The following PDE4D variants were observed in gnomAD, a reference collection of about 807,000 sequenced individuals.
PDE4D encodes phosphodiesterase 4D.
PDE4D carries 24 observed loss-of-function variants against 87.4 expected under a neutral mutation model. The observed-to-expected ratio is 0.27, with a 90% confidence interval of 0.20 to 0.39. The LOEUF is 0.39. Among genes scored for constraint, PDE4D ranks in the 10% least tolerant of loss-of-function variants. PDE4D has a pLI of 1.00. For missense variants in PDE4D, 714 were observed against 1,041.0 expected, an observed-to-expected ratio of 0.69 and a Z score of 4.32; for synonymous variants, 384 against 383.2, an observed-to-expected ratio of 1.00 and a Z score of -0.02.
intron 1 of PDE4D, among the ~76,000 whole-genome samples, chr5:60,374,362 G>A (rs1389241029): frequency 6.6e-6 from 1 of 152,134 alleles, no homozygotes; most frequent in Non-Finnish European, 1.5e-5. Context: ...AAAAAGAATG[G>A]CACTAGCTAC....
chr5:59,307,388 C>T (rs2153563707), intron 1 of PDE4D, among the ~76,000 whole-genome samples: 1 of 151,012 alleles, frequency 6.6e-6, no homozygotes, highest in East Asian at 2.0e-4. Context: ...AGAGCTTCTG[C>T]ACAGCAAAAG....
chr5:60,274,652 TG>T (rs1171095265), intron 1 of PDE4D, among the ~76,000 whole-genome samples: 1 of 152,282 alleles, frequency 6.6e-6, no homozygotes, highest in African/African-American at 2.4e-5. Context: ...TGAGCCACCA[TG>T]TCCAGCCGGA....
intron 3 of PDE4D, among the ~76,000 whole-genome samples, chr5:59,190,105 A>G (rs1439983191): frequency 1.3e-5 from 2 of 152,196 alleles, no homozygotes; most frequent in Non-Finnish European, 1.5e-5. Context: ...GGAAACCATG[A>G]TTCGTGTTTT....
intron 5 of PDE4D, among the ~76,000 whole-genome samples, chr5:59,152,700 C>A (rs1046926127): frequency 6.6e-6 from 1 of 151,608 alleles, no homozygotes; most frequent in East Asian, 1.9e-4. Context: ...TGTGTTAACC[C>A]AACTGTAGGC....
chr5:60,256,400 T>C (rs1184954147), intron 1 of PDE4D, among the ~76,000 whole-genome samples: 2 of 151,960 alleles, frequency 1.3e-5, no homozygotes, highest in Non-Finnish European at 2.9e-5. Context: ...AAACAAAAAA[T>C]ATAATCACAA....
At chr5:59,157,613 A>G (rs958518209) in intron 5 of PDE4D, among the ~76,000 whole-genome samples, 1 of 152,230 alleles carries the variant, frequency 6.6e-6, no homozygotes, top group African/African-American at 2.4e-5. Context: ...GACATTGTTC[A>G]TGTACAAATG....
chr5:59,996,601 CT>C (rs1454944498), intron 2 of PDE4D, among the ~76,000 whole-genome samples: 1 of 152,094 alleles, frequency 6.6e-6, no homozygotes, highest in Non-Finnish European at 1.5e-5. Context: ...TTCTCTAAGC[CT>C]TATGCCAAAT....
intron 3 of PDE4D, among the ~76,000 whole-genome samples, chr5:59,948,174 C>A: frequency 6.6e-6 from 1 of 152,166 alleles, no homozygotes; most frequent in South Asian, 2.1e-4. Flanking sequence ...ATATAAAAGT[C>A]ATCCAAAGCT....
intron 1 of PDE4D, among the ~76,000 whole-genome samples, chr5:60,434,863 T>C (rs756205619): frequency 1.1e-4 from 16 of 152,062 alleles, no homozygotes; most frequent in Admixed American, 2.0e-4. Context: ...ATTAAGAGTA[T>C]TGAACCCTGC....
chr5:59,355,987 C>T (rs1367601031), intron 1 of PDE4D, among the ~76,000 whole-genome samples: 1 of 152,124 alleles, frequency 6.6e-6, no homozygotes, highest in Non-Finnish European at 1.5e-5. Context: ...AATGTCACTT[C>T]TATTTACTAT....
intron 1 of PDE4D, among the ~76,000 whole-genome samples, chr5:59,313,537 C>T (rs1055499637): frequency 2.0e-5 from 3 of 152,110 alleles, no homozygotes; most frequent in African/African-American, 4.8e-5. Flanking sequence ...AGAAATCTAA[C>T]CAAGCTATAT....
chr5:59,199,596 T>C (rs1746269384), intron 2 of PDE4D, among the ~76,000 whole-genome samples: 1 of 152,160 alleles, frequency 6.6e-6, no homozygotes, highest in South Asian at 2.1e-4. Context: ...GCCTAAAAAC[T>C]ATCATCCATC....
intron 1 of PDE4D, among the ~76,000 whole-genome samples, chr5:59,549,733 A>G (rs1022866240): frequency 2.0e-5 from 3 of 152,142 alleles, no homozygotes; most frequent in East Asian, 1.9e-4. Context: ...AGCGCTATAT[A>G]TATACACACA....
intron 1 of PDE4D, among the ~76,000 whole-genome samples, chr5:59,704,096 A>G (rs1446457401): frequency 6.6e-6 from 1 of 152,230 alleles, no homozygotes; most frequent in Non-Finnish European, 1.5e-5. Context: ...CGAGGGAGGT[A>G]ACCCTTACAA....
intron 1 of PDE4D, among the ~76,000 whole-genome samples, chr5:60,252,862 TC>T (rs1336058965): frequency 2.6e-5 from 4 of 151,768 alleles, no homozygotes; most frequent in Admixed American, 2.0e-4. Flanking sequence ...ATGCCACATC[TC>T]GAGGGAAGAG....
intron 1 of PDE4D, among the ~76,000 whole-genome samples, chr5:59,426,092 A>C (rs1259553096): frequency 6.6e-6 from 1 of 152,164 alleles, no homozygotes; most frequent in Non-Finnish European, 1.5e-5. Flanking sequence ...GCCTGCGCAC[A>C]GAGGAAAGGC....
At chr5:59,933,313 A>C (rs1756182445) in intron 3 of PDE4D, among the ~76,000 whole-genome samples, 1 of 152,206 alleles carries the variant, frequency 6.6e-6, no homozygotes, top group African/African-American at 2.4e-5. Flanking sequence ...GTGATTTCCT[A>C]TCTCTGTTCA....
intron 1 of PDE4D, among the ~76,000 whole-genome samples, chr5:59,770,546 G>A (rs994361261): frequency 1.3e-5 from 2 of 152,030 alleles, no homozygotes; most frequent in African/African-American, 2.4e-5. Flanking sequence ...ATGAACAAAT[G>A]CAATTAAAAA....
At chr5:59,072,614 CCT>C (rs1322235276) in intron 5 of PDE4D, among the ~76,000 whole-genome samples, 1 of 152,070 alleles carries the variant, frequency 6.6e-6, no homozygotes, top group East Asian at 1.9e-4. Flanking sequence ...CTTTCTTTGT[CCT>C]TGTCATTTAT....
Sources: gnomAD v4.1 joint callset for allele counts (sites outside exome capture counted in the v4.1 genomes callset) on GRCh38, gnomAD v4.1.1 for gene constraint, MANE v1.5 for transcripts, NCBI Gene and HGNC (gene_info 2026-07-23, HGNC 2026-07-21) for gene names.